Variants in SLC36A3 observed in about 807,000 individuals in gnomAD.
SLC36A3 encodes proton-coupled amino acid transporter 3.
SLC36A3 carries 35 observed loss-of-function variants against 44.3 expected under a neutral mutation model. The observed-to-expected ratio is 0.79, with a 90% CI of 0.60 to 1.05. The LOEUF (loss-of-function observed/expected upper bound fraction) is 1.05. SLC36A3 is among the 50% of genes least tolerant of loss of function. SLC36A3 has a pLI of 0.00. For synonymous variants in SLC36A3, 211 were observed against 227.6 expected (o/e 0.93, Z 0.66); for missense variants, 540 against 578.7 (o/e 0.93, Z 0.69).
intron 9 of SLC36A3, among the ~76,000 whole-genome samples, chr5:151,280,224 G>T (rs1754256254): frequency 1.3e-5 from 2 of 152,148 alleles, no homozygotes; most frequent in African/African-American, 4.8e-5. Flanking sequence ...GGAGGCTGAG[G>T]CAGGCAGATC....
At chr5:151,279,788 C>A (rs1754240568) in intron 9 of SLC36A3, among the ~76,000 whole-genome samples, 1 of 152,198 alleles carries the variant, frequency 6.6e-6, no homozygotes. Flanking sequence ...TGCTGCACAG[C>A]TCCAAGCATT....
At position 151,287,262 on chromosome 5, in the gene SLC36A3, A is replaced by G. The variant is rs778825272; in HGVS notation, c.692T>C (p.Phe231Ser). The G allele has an allele frequency of 4.3e-6, 7 of 1,614,128 alleles. No individual in the cohort carries two copies. The Admixed American group carries it at 1.2e-4, about 27-fold the overall frequency. Residue 231 changes from phenylalanine (F) to serine (S), a missense_variant, in exon 6 of 10, where the codon TTT becomes TCT. Coordinates refer to ENST00000335230, the MANE Select transcript of SLC36A3 (RefSeq NM_181774.4). ...GGCACAGACCTCCATGATATACTCAAAGATCAGAGCCATGCTCCCAAGGGT... is the reference window on the plus strand; with the variant it reads ...GGCACAGACCTCCATGATATACTCAGAGATCAGAGCCATGCTCCCAAGGGT... Reference protein sequence around the residue: ...ITTLGSMALIFEYIMEGIPYP... With the variant: ...ITTLGSMALISEYIMEGIPYP...
intron 5 of SLC36A3, among the ~76,000 whole-genome samples, chr5:151,288,105 T>C (rs1466273899): frequency 2.0e-5 from 3 of 152,238 alleles, no homozygotes; most frequent in Non-Finnish European, 4.4e-5. Context: ...AAAGTAAATG[T>C]CACCAGTGTT....
chr5:151,282,433 G>T (rs577784253), intron 8 of SLC36A3, among the ~76,000 whole-genome samples: 1 of 152,210 alleles, frequency 6.6e-6, no homozygotes, highest in East Asian at 1.9e-4. Context: ...CTCCCAAAGT[G>T]CCGGGATTAT....
chr5:151,282,150 C>A (rs540760555), intron 8 of SLC36A3, among the ~76,000 whole-genome samples: 10 of 30,344 alleles, frequency 3.3e-4, no homozygotes, highest in African/African-American at 7.9e-4. Context: ...GACGGAGTTT[C>A]GCTTTTATTG....
At chr5:151,283,988 C>T in intron 8 of SLC36A3, 56 bp downstream of exon 8, 1 of 1,540,644 alleles carries the variant, frequency 6.5e-7, no homozygotes, top group Non-Finnish European at 8.7e-7. Flanking sequence ...TCTGCTATGA[C>T]AACCAGAACA....
At chr5:151,299,174 C>A (rs943393444) in intron 1 of SLC36A3, among the ~76,000 whole-genome samples, 7 of 148,172 alleles carry the variant, frequency 4.7e-5, no homozygotes, top group Admixed American at 2.7e-4. Flanking sequence ...TAGTTTACTC[C>A]TTCATCCATT....
intron 3 of SLC36A3, among the ~76,000 whole-genome samples, chr5:151,294,544 C>T (rs999215260): frequency 6.6e-6 from 1 of 151,792 alleles, no homozygotes. Context: ...CAGAAGCAGT[C>T]GGTTGTCTAA....
chr5:151,292,379 C>G (rs1445005235), intron 4 of SLC36A3, among the ~76,000 whole-genome samples: 1 of 152,166 alleles, frequency 6.6e-6, no homozygotes, highest in Non-Finnish European at 1.5e-5. Context: ...CTCACTACCT[C>G]CTGAGGGACT....
At chr5:151,287,513 G>C in intron 5 of SLC36A3, 49 bp from the exon 6 acceptor site, 5 of 1,539,244 alleles carry the variant, frequency 3.2e-6, no homozygotes, top group Non-Finnish European at 4.5e-6. Flanking sequence ...GTAAAACACA[G>C]GACACCAATT....
chr5:151,296,484 C>A, intron 2 of SLC36A3: 1 of 593,470 alleles, frequency 1.7e-6, no homozygotes, highest in South Asian at 2.1e-5. Context: ...TAGGATACTT[C>A]CAGTGACAGA....
intron 4 of SLC36A3, among the ~76,000 whole-genome samples, chr5:151,292,758 C>T (rs985566806): frequency 2.0e-5 from 3 of 152,102 alleles, no homozygotes; most frequent in African/African-American, 7.2e-5. Flanking sequence ...CCGAGGCAGG[C>T]GGGTCATCTG....
chr5:151,285,972 G>GT (rs35046372), intron 6 of SLC36A3, among the ~76,000 whole-genome samples: 24,586 of 151,986 alleles, frequency 0.16, 2,588 homozygotes, highest in East Asian at 0.3. Context: ...ATAAATTTGT[G>GT]TTTTTTCAAG....
Position 151,284,204 on chromosome 5 carries a change from G to A in SLC36A3, c.814C>T (p.Pro272Ser), listed in dbSNP as rs1754443935. The change falls in exon 8 of 10, where the codon CCT (proline) becomes TCT (serine). Residue 272 changes from proline (P) to serine (S), a missense_variant. Physicochemically the swap from Pro to Ser is moderately conservative, Grantham distance 74 (BLOSUM62 -1). Coordinates refer to ENST00000335230, the MANE Select transcript of SLC36A3 (RefSeq NM_181774.4). ...FTFEGVGMVLPLKNQMKHPQQ... is the reference protein window; with the variant it reads ...FTFEGVGMVLSLKNQMKHPQQ... The stretch of plus-strand genomic sequence containing the variant: ...GGATGCTTCATCTGGTTTTTGAGAG[G>A]CAGAACCTGGAGGGAAAAAAAAAAG... The A allele has an allele frequency of 2.5e-6, 4 of 1,603,322 alleles. No homozygotes were observed. Among genetic ancestry groups the A allele is most frequent in the Non-Finnish European group, 3.4e-6 (4 of 1,176,954 alleles).
intron 1 of SLC36A3, among the ~76,000 whole-genome samples, chr5:151,301,084 A>T (rs1755152765): frequency 6.6e-6 from 1 of 152,238 alleles, no homozygotes; most frequent in South Asian, 2.1e-4. Context: ...TAACTGAGGA[A>T]ATTAAGACAG....
intron 8 of SLC36A3, among the ~76,000 whole-genome samples, chr5:151,283,617 T>C (rs1580807664): frequency 6.6e-6 from 1 of 152,348 alleles, no homozygotes; most frequent in Non-Finnish European, 1.5e-5. Flanking sequence ...TCTACAGCTC[T>C]GGATTTGTGG....
Position 151,277,415 on chromosome 5 carries a change from T to TAATTA in SLC36A3, c.1390_1391insTAATT (p.Asn464IlefsTer16). ...TAATTATGCATGGACACCTGTGGAG[T>TAATTA]TGGCCATGGAATGGCTGATGGGTTG... On this transcript the variant is annotated frameshift_variant, in exon 10 of 10. Transcript: ENST00000335230. LOFTEE classifies it high-confidence loss of function. 1.2e-6 allele frequency: 2 copies of TAATTA among 1,614,106 alleles called. No homozygotes were observed. The highest frequency in any genetic ancestry group is 2.2e-5 in the East Asian group (1 of 44,886).
At position 151,287,336 on chromosome 5, in the gene SLC36A3, G is replaced by A. The variant is rs746700901; in HGVS notation, c.618C>T (p.Ile206=). The A allele has an allele frequency of 6.2e-7, 1 of 1,614,050 alleles. No homozygotes were observed. The highest frequency in any genetic ancestry group is 8.5e-7 in the Non-Finnish European group (1 of 1,180,040). Reference sequence around the variant, plus strand: ...AGACGGACAGCACCTTGAGGTTCTGGATAAACACCAACAGGATCAGGAAGG... The same window carrying A: ...AGACGGACAGCACCTTGAGGTTCTGAATAAACACCAACAGGATCAGGAAGG... ...ILPFLILLVF[I]QNLKVLSVFS... Residue 206 remains isoleucine (I), a synonymous_variant, in exon 6 of 10, where the codon ATC becomes ATT. Coordinates refer to ENST00000335230, the MANE Select transcript of SLC36A3 (RefSeq NM_181774.4).
chr5:151,298,496 C>G, intron 2 of SLC36A3, 97 bp downstream of exon 2: 1 of 1,191,628 alleles, frequency 8.4e-7, no homozygotes, highest in South Asian at 1.4e-5. Context: ...AGGGTACCCC[C>G]AAATTGCCCA....
Sources: gnomAD v4.1 joint callset for allele counts (sites outside exome capture counted in the v4.1 genomes callset) on GRCh38, gnomAD v4.1.1 for gene constraint, MANE v1.5 for transcripts, NCBI Gene and HGNC (gene_info 2026-07-23, HGNC 2026-07-21) for gene names.